TTLL8: variants seen among roughly 807,000 people sequenced by gnomAD.
TTLL8 encodes the protein protein monoglycylase TTLL8.
In TTLL8, 65 loss-of-function variants were observed where a neutral mutation model predicts 77.8. The ratio of observed to expected loss-of-function variants is 0.84; its 90% CI spans 0.68 to 1.03. The LOEUF is 1.03. Ranked by LOEUF, TTLL8 falls within the 50% of genes least tolerant of loss-of-function variation. The pLI, the probability that TTLL8 is intolerant of heterozygous loss-of-function variation, is 0.00. For missense variants in TTLL8, 910 were observed against 1,004.5 expected (o/e 0.91, Z 1.27); for synonymous variants, 402 against 422.8 (o/e 0.95, Z 0.60).
intron 8 of TTLL8, among the ~76,000 whole-genome samples, chr22:50,035,829 T>A (rs2061332200): frequency 6.6e-6 from 1 of 152,054 alleles, no homozygotes; most frequent in Admixed American, 6.6e-5. Flanking sequence ...TGGGAAGGAA[T>A]CCCTCACAGC....
chr22:50,026,117 A>G (rs999586200), intron 12 of TTLL8, among the ~76,000 whole-genome samples: 3 of 152,236 alleles, frequency 2.0e-5, no homozygotes, highest in Non-Finnish European at 2.9e-5. Context: ...CCTACAGTGG[A>G]AGCAAGGCAG....
chr22:50,019,653 T>C (rs1263539924), intron 12 of TTLL8, among the ~76,000 whole-genome samples: 1 of 152,124 alleles, frequency 6.6e-6, no homozygotes, highest in Non-Finnish European at 1.5e-5. Flanking sequence ...AGGCAAACCT[T>C]CAGATGAGGC....
At chr22:50,026,243 A>C (rs1288058078) in intron 12 of TTLL8, among the ~76,000 whole-genome samples, 1 of 151,912 alleles carries the variant, frequency 6.6e-6, no homozygotes, top group Non-Finnish European at 1.5e-5. Context: ...CTCAGAGTGC[A>C]GGGTCAGACA....
chr22:50,031,279 C>T (rs1277519599), intron 11 of TTLL8, among the ~76,000 whole-genome samples: 1 of 152,178 alleles, frequency 6.6e-6, no homozygotes, highest in Non-Finnish European at 1.5e-5. Context: ...CGCGAAAGAT[C>T]CTCAGAGTGG....
At position 50,026,393 on chromosome 22, in the gene TTLL8, G is replaced by A. The variant is rs575525305; in HGVS notation, c.2203+4037C>T. On this transcript the variant is annotated intron_variant, in intron 12 of 13. Transcript: ENST00000266182. ...GAGGGTCAGACACGGAAATACACCC[G>A]CCATTCTGCACCGCCGCCACCTCAG... 1.4e-4 allele frequency among the ~76,000 whole-genome samples: 15 copies of A among 109,864 alleles called. No individual in the cohort carries two copies. In the South Asian group the frequency reaches 2.0e-3, roughly 14 times the overall value. The allele number at this position is 109,864 out of a possible 152,430, so 72.1% of individuals were successfully genotyped here. A position where few individuals can be genotyped will look rare whatever the true frequency, so the allele number is the denominator to read the frequency against.
chr22:50,049,645 T>G (rs2061432866), intron 2 of TTLL8, among the ~76,000 whole-genome samples: 3 of 148,190 alleles, frequency 2.0e-5, no homozygotes, highest in Non-Finnish European at 1.5e-5. Flanking sequence ...GGGGTGGGAG[T>G]GATAGAGGCT....
rs181270675 is a variant in TTLL8 at position 50,046,614 on chromosome 22, C to T, written c.393+554G>A. Among the ~76,000 whole-genome samples the T allele has an allele frequency of 6.6e-5, 10 of 152,362 alleles. No homozygotes were observed. In the East Asian group the frequency reaches 1.9e-3, roughly 29 times the overall value. ...AGGTGCGGAAGGGAACCTTGTCCTG[C>T]ACCTCCGCCCCACACTGTGCTGAGG... is the stretch of plus-strand genomic sequence containing the variant. On this transcript the variant is annotated intron_variant, in intron 4 of 13. Transcript: ENST00000266182.
chr22:50,037,140 C>G (rs1459472334), intron 8 of TTLL8, among the ~76,000 whole-genome samples: 1 of 152,174 alleles, frequency 6.6e-6, no homozygotes, highest in Non-Finnish European at 1.5e-5. Context: ...TGCCAATTTA[C>G]ACTCCCCTAG....
At chr22:50,027,870 G>T in intron 12 of TTLL8, 1 of 920,050 alleles carries the variant, frequency 1.1e-6, no homozygotes, top group Non-Finnish European at 1.3e-6. Context: ...GCCCTCGAGG[G>T]CCTGACCGCG....
upstream of TTLL8, among the ~76,000 whole-genome samples, chr22:50,057,185 GTTGGGGGTC>G (rs2061475816): frequency 7.2e-6 from 1 of 139,392 alleles, no homozygotes; most frequent in African/African-American, 2.7e-5. Flanking sequence ...CAGGTCTGGG[GTTGGGGGTC>G]AGGTCTGGAT....
chr22:50,019,097 G>C (rs1430387561), intron 12 of TTLL8, among the ~76,000 whole-genome samples: 1 of 152,222 alleles, frequency 6.6e-6, no homozygotes, highest in South Asian at 2.1e-4. Flanking sequence ...CTTCAAAGTC[G>C]ATATATTGCC....
chr22:50,047,923 C>G (rs967358161), intron 3 of TTLL8, among the ~76,000 whole-genome samples: 3 of 152,128 alleles, frequency 2.0e-5, no homozygotes, highest in East Asian at 3.9e-4. Context: ...CATGGTGAAA[C>G]TCGTCTCTAC....
At chr22:50,020,646 C>G (rs891003570) in intron 12 of TTLL8, among the ~76,000 whole-genome samples, 7 of 149,568 alleles carry the variant, frequency 4.7e-5, no homozygotes, top group African/African-American at 1.7e-4. Context: ...AACGTGCACT[C>G]CTCCATCTGA....
chr22:50,022,941 A>G (rs2061213217), intron 12 of TTLL8, among the ~76,000 whole-genome samples: 1 of 152,248 alleles, frequency 6.6e-6, no homozygotes, highest in Non-Finnish European at 1.5e-5. Flanking sequence ...GCAACAAACC[A>G]GAACCAAGAG....
chr22:50,022,578 C>T (rs868156611), intron 12 of TTLL8, among the ~76,000 whole-genome samples: 7 of 151,936 alleles, frequency 4.6e-5, no homozygotes, highest in Non-Finnish European at 8.8e-5. Flanking sequence ...CTGATGTGCA[C>T]GCCTCCATTT....
At chr22:50,027,128 C>T (rs944745947) in intron 12 of TTLL8, among the ~76,000 whole-genome samples, 6 of 151,702 alleles carry the variant, frequency 4.0e-5, no homozygotes, top group African/African-American at 1.5e-4. Context: ...CCCAGCTACT[C>T]AGGGGGCTGA....
intron 11 of TTLL8, among the ~76,000 whole-genome samples, 196 bp from the exon 13 acceptor site, chr22:50,031,121 T>C (rs1038671725): frequency 1.3e-5 from 2 of 152,024 alleles, no homozygotes; most frequent in African/African-American, 2.4e-5. Context: ...GAACCAAGGC[T>C]TCCTGAGGCT....
intron 6 of TTLL8, among the ~76,000 whole-genome samples, chr22:50,043,239 A>G (rs2061383757): frequency 6.7e-6 from 1 of 150,196 alleles, no homozygotes; most frequent in African/African-American, 2.5e-5. Context: ...CAGTAGATGG[A>G]TAGATAGATA....
exon 10 of TTLL8, chr22:50,033,289 G>A (rs368466810): frequency 2.3e-5 from 31 of 1,363,336 alleles, no homozygotes; most frequent in East Asian, 1.4e-4. Context: ...GTTCCAGTCC[G>A]TGACGAGGAA....
Sources: allele counts gnomAD v4.1 joint callset (sites outside exome capture counted in the v4.1 genomes callset), GRCh38; gene constraint gnomAD v4.1.1; transcripts MANE v1.5; gene names NCBI Gene and HGNC (gene_info 2026-07-23, HGNC 2026-07-21).